ASPM: variants seen among roughly 807,000 people sequenced by gnomAD.
ASPM encodes assembly factor for spindle microtubules.
ASPM carries 256 observed loss-of-function variants against 366.4 expected under a neutral mutation model. That is an observed-to-expected ratio of 0.70 (90% CI 0.63 to 0.77). ASPM has a LOEUF of 0.77. Among genes scored for constraint, ASPM ranks in the 30% least tolerant of loss-of-function variants. The probability of loss-of-function intolerance (pLI) is 0.00; values close to 1 mark genes in which losing one functional copy is unlikely to be tolerated. For synonymous variants in ASPM, 1,414 were observed against 1,342.9 expected (o/e 1.05, Z -1.16); for missense variants, 4,146 against 4,090.4 (o/e 1.01, Z -0.37).
At chr1:197,131,306 G>GA (rs1356049083) in intron 7 of ASPM, among the ~76,000 whole-genome samples, 2 of 152,198 alleles carry the variant, frequency 1.3e-5, no homozygotes, top group Non-Finnish European at 2.9e-5. Context: ...AAGAAACCTA[G>GA]AAAAAATGTG....
intron 4 of ASPM, chr1:197,139,091 GT>G: frequency 7.9e-6 from 6 of 758,354 alleles, no homozygotes; most frequent in Admixed American, 1.9e-5. Flanking sequence ...ATTTTCTGCA[GT>G]TTTTGGTACC....
intron 6 of ASPM, among the ~76,000 whole-genome samples, chr1:197,132,699 G>A (rs946241009): frequency 5.3e-5 from 8 of 151,094 alleles, no homozygotes; most frequent in Admixed American, 4.6e-4. Flanking sequence ...AGTGGATAAA[G>A]AAAATGTGGG....
Position 197,143,387 on chromosome 1 carries a change from G to C in ASPM, c.865C>G (p.Gln289Glu), listed in dbSNP as rs1658663995. Residue 289 changes from glutamine to glutamate, a missense_variant, in exon 3 of 28, where the codon CAA becomes GAA. Physicochemically the swap from Gln to Glu is conservative, Grantham distance 29. Transcript: ENST00000367409. The part of the protein sequence containing the change: ...TSFNSVNVNG[Q>E]RGENSKLSLT... ...CTAAGTTTACTATTCTCTCCTCTTT[G>C]GCCATTAACATTTACGGAATTAAAG... 1 of 1,613,566 alleles carries C rather than the reference G, an allele frequency of 6.2e-7. No individual in the cohort carries two copies. Among genetic ancestry groups the C allele is most frequent in the African/African-American group, 1.3e-5 (1 of 74,880 alleles).
At chr1:197,139,267 C>G in intron 4 of ASPM, 1 of 933,584 alleles carries the variant, frequency 1.1e-6, no homozygotes, top group Non-Finnish European at 1.7e-6. Flanking sequence ...CCAACTTTCA[C>G]TTCATCCATA....
chr1:197,100,738 C>A lies in ASPM; in HGVS notation c.8513G>T (p.Cys2838Phe). The change falls in exon 18 of 28, where the codon TGT (cysteine) becomes TTT (phenylalanine). Residue 2838 changes from cysteine to phenylalanine, a missense_variant. Around this residue, in one of 3 missense-constraint regions of ASPM, gnomAD observed 3,624 missense variants for 3,591.7 expected, o/e 1.01. Transcript: ENST00000367409. Reference protein sequence around the residue: ...MVTRKLETQKCAALRIQFFLQ... With the variant: ...MVTRKLETQKFAALRIQFFLQ... ...GAAGAACTGAATCCGTAGGGCAGCA[C>A]ATTTCTGTGTTTCCAGTTTTCTTGT... 1 of 1,612,466 alleles carries A rather than the reference C, an allele frequency of 6.2e-7. No individual in the cohort carries two copies. The highest frequency in any genetic ancestry group is 1.1e-5 in the South Asian group (1 of 91,062).
chr1:197,128,524 G>A lies in ASPM; in HGVS notation c.2902C>T (p.Leu968Phe). 2 of 1,613,794 alleles carry A rather than the reference G, an allele frequency of 1.2e-6. No individual in the cohort carries two copies. ...FDEFDFAVTN[L>F]AVDLQCGVRL... ...ACTCCACATTGCAAGTCTACGGCAA[G>A]ATTTGTAACGGCAAAATCAAATTCA... is the stretch of plus-strand genomic sequence containing the variant. Residue 968 changes from leucine (L) to phenylalanine (F), a missense_variant, in exon 10 of 28, where the codon CTT (leucine) becomes TTT (phenylalanine). Leu to Phe is a conservative substitution (Grantham distance 22). This residue lies in a region of ASPM where 3,624 missense variants were observed against 3,591.7 expected (regional missense o/e 1.01). Coordinates refer to ENST00000367409, the MANE Select transcript of ASPM (RefSeq NM_018136.5).
In ASPM at chr1:197,146,641, G is replaced by T. The variant is rs1658798469; in HGVS notation, c.-204C>A. On this transcript the variant is annotated 5_prime_UTR_variant, in exon 1 of 28. Transcript: ENST00000367409. ...CAATAAACTCGCAAATTAAAAAGAG[G>T]AGCCAAACAAGTATGGCGTTTTGAC... The T allele has an allele frequency of 1.6e-6, 1 of 626,608 alleles. No individual in the cohort carries two copies. Among genetic ancestry groups the T allele is most frequent in the Admixed American group, 2.9e-5 (1 of 34,096 alleles). 38.8% of individuals were successfully genotyped at this position (626,608 alleles called of 1,614,324 possible).
Position 197,101,926 on chromosome 1 carries a change from C to A in ASPM, c.7325G>T (p.Arg2442Leu). 6.2e-7 allele frequency: 1 copy of A among 1,612,646 alleles called. No individual in the cohort carries two copies. Reference protein sequence around the residue: ...KATIFVQRKYRATICAKHKLY... With the variant: ...KATIFVQRKYLATICAKHKLY... ...TTTATGTTTGGCACAAATGGTGGCT[C>A]GATATTTCCTCTGAACAAAAATAGT... The change falls in exon 18 of 28, where the codon CGA becomes CTA. Residue 2442 changes from arginine to leucine, a missense_variant. Coordinates refer to ENST00000367409, the MANE Select transcript of ASPM (RefSeq NM_018136.5).
chr1:197,104,616 T>G lies in ASPM; in HGVS notation c.4635A>C (p.Gln1545His), dbSNP rs766658388. ...LQKRAAAIQL[Q>H]AAFRRLKAHN... ...GAGCTTTCAGTCTCCTAAAAGCAGC[T>G]TGTAATTGAATGGCTGCAGCTCGTT... The change falls in exon 18 of 28, where the codon CAA becomes CAC. Residue 1545 changes from glutamine (Q) to histidine (H), a missense_variant. This residue lies in a region of ASPM where 3,624 missense variants were observed against 3,591.7 expected (regional missense o/e 1.01). Transcript: ENST00000367409. 1 of 1,613,078 alleles carries G rather than the reference T, an allele frequency of 6.2e-7. No individual in the cohort carries two copies. The highest frequency in any genetic ancestry group is 2.2e-5 in the East Asian group (1 of 44,806).
At chr1:197,108,217 G>GAA (rs71286568) in intron 17 of ASPM, among the ~76,000 whole-genome samples, 47 of 150,294 alleles carry the variant, frequency 3.1e-4, no homozygotes, top group Admixed American at 7.3e-4. Flanking sequence ...TGAACTGAAT[G>GAA]AAAAAAAAAT....
chr1:197,139,346 C>G (rs1658513439), intron 4 of ASPM: 1 of 650,216 alleles, frequency 1.5e-6, no homozygotes, highest in Non-Finnish European at 2.7e-6. Flanking sequence ...CCTGAAATCC[C>G]AGCACCCTGG....
intron 23 of ASPM, 55 bp downstream of exon 23, chr1:197,090,795 T>TATATA: frequency 6.7e-7 from 1 of 1,487,858 alleles, no homozygotes; most frequent in East Asian, 2.3e-5. Context: ...TTAGATATCA[T>TATATA]GTAGATGAAT....
Position 197,143,281 on chromosome 1 carries a change from T to A in ASPM, c.971A>T (p.Asn324Ile). The A allele has an allele frequency of 6.2e-7, 1 of 1,613,426 alleles. No homozygotes were observed. The highest frequency in any genetic ancestry group is 2.2e-5 in the East Asian group (1 of 44,852). Residue 324 changes from asparagine (N) to isoleucine (I), a missense_variant, in exon 3 of 28, where the codon AAT (asparagine) becomes ATT (isoleucine). Coordinates refer to ENST00000367409, the MANE Select transcript of ASPM (RefSeq NM_018136.5). Reference protein sequence around the residue: ...HFLSPDSFVNNSHGANNELEL... With the variant: ...HFLSPDSFVNISHGANNELEL... ...TAGTTCATTATTAGCTCCATGACTA[T>A]TATTTACAAAAGAATCTGGACTTAG...
intron 17 of ASPM, among the ~76,000 whole-genome samples, chr1:197,106,272 G>C (rs1288122665): frequency 6.6e-6 from 1 of 152,028 alleles, no homozygotes; most frequent in African/African-American, 2.4e-5. Flanking sequence ...GACAGGAAAT[G>C]ATTGTATACA....
intron 21 of ASPM, 59 bp from the exon 22 acceptor site, chr1:197,092,115 G>T (rs989472067): frequency 1.3e-6 from 2 of 1,505,556 alleles, no homozygotes; most frequent in Non-Finnish European, 1.8e-6. Context: ...ATCAATGAGT[G>T]TTTTTTTTTG....
Position 197,096,096 on chromosome 1 carries a change from G to T in ASPM, c.8889C>A (p.Ala2963=). Residue 2963 remains alanine, a synonymous_variant, in exon 19 of 28, where the codon GCC becomes GCA. Transcript: ENST00000367409. The part of the protein sequence containing the change: ...CKVKAACKIQ[A]WYRCWRAHKE... ...TGTGTGCTCTCCAACATCTATACCAGGCTTGAATCTTGCAGGCAGCTTTCA... is the reference window on the plus strand; with the variant it reads ...TGTGTGCTCTCCAACATCTATACCATGCTTGAATCTTGCAGGCAGCTTTCA... 6.2e-7 allele frequency: 1 copy of T among 1,609,798 alleles called. No individual in the cohort carries two copies. The highest frequency in any genetic ancestry group is 8.5e-7 in the Non-Finnish European group (1 of 1,176,828).
chr1:197,086,866 T>C lies in ASPM; in HGVS notation c.10268A>G (p.Lys3423Arg). 6.2e-7 allele frequency: 1 copy of C among 1,612,098 alleles called. No individual in the cohort carries two copies. The highest frequency in any genetic ancestry group is 8.5e-7 in the Non-Finnish European group (1 of 1,178,636). ...NTERILYKQK[K>R]NSSISIPFIP... ...AAAAGGAATGCTTATAGAAGAATTC[T>C]TCTTTTGCTTGTAAAGTATTCTTTC... Residue 3423 changes from lysine to arginine, a missense_variant, in exon 27 of 28, where the codon AAG becomes AGG. Lys to Arg is a conservative substitution (Grantham distance 26, BLOSUM62 2). Transcript: ENST00000367409.
At position 197,143,041 on chromosome 1, in the gene ASPM, A is replaced by G. The variant is rs1159195324; in HGVS notation, c.1211T>C (p.Met404Thr). 6.2e-7 allele frequency: 1 copy of G among 1,612,830 alleles called. No individual in the cohort carries two copies. Among genetic ancestry groups the G allele is most frequent in the African/African-American group, 1.3e-5 (1 of 74,872 alleles). ...TTTACATGTTTGCTGAGATGTACAC[A>G]TATATGCCATGTTATCTTTTAAAAA... ...NQFLKDNMAY[M>T]CTSQQTCKVP... Residue 404 changes from methionine (M) to threonine (T), a missense_variant, in exon 3 of 28, where the codon ATG (methionine) becomes ACG (threonine). Around this residue, in one of 3 missense-constraint regions of ASPM, gnomAD observed 10 missense variants for 27.0 expected, o/e 0.37. Coordinates refer to ENST00000367409, the MANE Select transcript of ASPM (RefSeq NM_018136.5).
At chr1:197,144,180 T>C (rs1658696634) in intron 1 of ASPM, 80 bp from the exon 2 acceptor site, 2 of 983,422 alleles carry the variant, frequency 2.0e-6, no homozygotes, top group East Asian at 5.2e-5. Flanking sequence ...ACTTACAATA[T>C]AGTAGGGCTT....
Sources: allele counts gnomAD v4.1 joint callset (sites outside exome capture counted in the v4.1 genomes callset), GRCh38; gene constraint gnomAD v4.1.1; regional missense constraint gnomAD v4.1.1; transcripts MANE v1.5; gene names NCBI Gene and HGNC (gene_info 2026-07-23, HGNC 2026-07-21).